GPC5: variants seen among roughly 807,000 people sequenced by gnomAD.
GPC5 encodes glypican-5.
GPC5 carries 47 observed loss-of-function variants against 53.9 expected under a neutral mutation model. That is an observed-to-expected ratio of 0.87 (90% CI 0.69 to 1.11). The LOEUF (loss-of-function observed/expected upper bound fraction) is 1.11. GPC5 is among the 50% of genes most tolerant of loss of function. GPC5 has a pLI of 0.00. For missense variants in GPC5, 748 were observed against 713.1 expected (o/e 1.05, Z -0.56); for synonymous variants, 286 against 263.3 (o/e 1.09, Z -0.84).
intron 7 of GPC5, among the ~76,000 whole-genome samples, chr13:92,849,225 G>T (rs1878711158): frequency 6.6e-6 from 1 of 151,966 alleles, no homozygotes. Flanking sequence ...GGATAATGTT[G>T]CTCTTCTTCT....
At chr13:92,042,843 G>C (rs1282587805) in intron 6 of GPC5, among the ~76,000 whole-genome samples, 1 of 152,110 alleles carries the variant, frequency 6.6e-6, no homozygotes, top group Non-Finnish European at 1.5e-5. Flanking sequence ...AGAACGAAAA[G>C]AGCCATAATT....
At chr13:91,956,527 T>G (rs1428359397) in intron 6 of GPC5, among the ~76,000 whole-genome samples, 1 of 152,048 alleles carries the variant, frequency 6.6e-6, no homozygotes, top group African/African-American at 2.4e-5. Context: ...AGAAATGGCC[T>G]GCCTGTGCCC....
At chr13:92,296,020 T>A (rs750133563) in intron 7 of GPC5, among the ~76,000 whole-genome samples, 2 of 152,058 alleles carry the variant, frequency 1.3e-5, no homozygotes, top group African/African-American at 4.8e-5. Context: ...TGTACCTTGG[T>A]TTTTTGTTTT....
At chr13:92,404,655 T>C (rs549755790) in intron 7 of GPC5, among the ~76,000 whole-genome samples, 2 of 151,020 alleles carry the variant, frequency 1.3e-5, no homozygotes, top group African/African-American at 2.4e-5. Flanking sequence ...TATTCCTAAT[T>C]TACAGAAGGA....
At position 91,566,931 on chromosome 13, in the gene GPC5, CTT is replaced by C. The variant is rs372108616; in HGVS notation, c.325+118023_325+118024del. On this transcript the variant is annotated intron_variant, in intron 2 of 7. Transcript: ENST00000377067. ...AAAATTAATTATTTTTCTTCCAATT[CTT>C]TTTTTTTTTTTTTGAGAAAGCAAAA... 2.5e-3 allele frequency among the ~76,000 whole-genome samples: 354 copies of C among 140,752 alleles called. 2 individuals carry two copies. The highest frequency in any genetic ancestry group is 8.5e-3 in the African/African-American group (326 of 38,572). 92.3% of individuals were successfully genotyped at this position (140,752 alleles called of 152,430 possible).
chr13:91,914,257 A>G (rs2039637588), intron 6 of GPC5, among the ~76,000 whole-genome samples: 1 of 152,196 alleles, frequency 6.6e-6, no homozygotes, highest in Non-Finnish European at 1.5e-5. Flanking sequence ...CCTACTTTCA[A>G]TATGAAACAG....
chr13:92,744,391 C>T (rs933883273), intron 7 of GPC5, among the ~76,000 whole-genome samples: 1 of 150,856 alleles, frequency 6.6e-6, no homozygotes, highest in Admixed American at 6.6e-5. Flanking sequence ...GGTATAAGAG[C>T]GATTTGGAAC....
chr13:92,791,449 T>A (rs75381326), intron 7 of GPC5, among the ~76,000 whole-genome samples: 1 of 150,912 alleles, frequency 6.6e-6, no homozygotes, highest in Non-Finnish European at 1.5e-5. Flanking sequence ...GAGTGGTGTA[T>A]GAAGTGTCCT....
chr13:92,699,526 G>T (rs533919248), intron 7 of GPC5, among the ~76,000 whole-genome samples: 154 of 151,836 alleles, frequency 1.0e-3, no homozygotes, highest in Middle Eastern at 3.4e-3. Context: ...TGTTAGGGTG[G>T]CGATTTTAGA....
chr13:91,451,044 C>T (rs1026344832), intron 2 of GPC5, among the ~76,000 whole-genome samples: 1 of 152,088 alleles, frequency 6.6e-6, no homozygotes, highest in African/African-American at 2.4e-5. Flanking sequence ...AAGTAAAATG[C>T]CCTCCATCTA....
At chr13:91,584,513 A>G (rs1432128125) in intron 2 of GPC5, among the ~76,000 whole-genome samples, 2 of 152,204 alleles carry the variant, frequency 1.3e-5, no homozygotes, top group East Asian at 1.9e-4. Context: ...GATAAGGAAT[A>G]CTTTTTTTAG....
At position 91,782,928 on chromosome 13, in the gene GPC5, T is replaced by C. The variant is rs1484805994; in HGVS notation, c.1280+26508T>C. Among the ~76,000 whole-genome samples, 4 of 152,164 alleles carry C rather than the reference T, an allele frequency of 2.6e-5. No individual in the cohort carries two copies. The East Asian group carries it at 7.7e-4, about 29-fold the overall frequency. On this transcript the variant is annotated intron_variant, in intron 5 of 7. Coordinates refer to ENST00000377067, the MANE Select transcript of GPC5 (RefSeq NM_004466.6). ...TCAGTAAAAGTTAATATGTCTTATG[T>C]TTTTCTCATTAAGAAAAATAAAAGT... is the stretch of plus-strand genomic sequence containing the variant.
intron 2 of GPC5, among the ~76,000 whole-genome samples, chr13:91,631,200 G>T (rs1410900092): frequency 6.6e-6 from 1 of 152,086 alleles, no homozygotes; most frequent in Non-Finnish European, 1.5e-5. Context: ...GTACCACTTT[G>T]GTTTTTGGTT....
intron 7 of GPC5, among the ~76,000 whole-genome samples, chr13:92,468,795 A>G (rs1878800192): frequency 6.6e-6 from 1 of 152,018 alleles, no homozygotes; most frequent in African/African-American, 2.4e-5. Flanking sequence ...CTAGCCAAGA[A>G]TTTCCCACAG....
At chr13:91,495,467 T>G (rs1194168191) in intron 2 of GPC5, among the ~76,000 whole-genome samples, 1 of 152,202 alleles carries the variant, frequency 6.6e-6, no homozygotes, top group Non-Finnish European at 1.5e-5. Flanking sequence ...TATACTCAAT[T>G]TGACATCTTC....
chr13:91,521,687 A>G (rs971734789), intron 2 of GPC5, among the ~76,000 whole-genome samples: 13 of 152,204 alleles, frequency 8.5e-5, no homozygotes, highest in South Asian at 2.1e-4. Flanking sequence ...GAGTTTTCCC[A>G]CCAACAAGAA....
chr13:91,809,135 A>G (rs2038270837), intron 5 of GPC5, among the ~76,000 whole-genome samples: 1 of 152,162 alleles, frequency 6.6e-6, no homozygotes, highest in Non-Finnish European at 1.5e-5. Flanking sequence ...AGCCCTCATC[A>G]ATTTCTGTAC....
intron 4 of GPC5, among the ~76,000 whole-genome samples, chr13:91,731,301 T>G (rs1335589830): frequency 6.6e-6 from 1 of 152,150 alleles, no homozygotes; most frequent in Non-Finnish European, 1.5e-5. Flanking sequence ...CAAGTCCATC[T>G]CAGTGTGCAC....
intron 3 of GPC5, among the ~76,000 whole-genome samples, chr13:91,705,880 T>G (rs2036091106): frequency 7.2e-6 from 1 of 139,462 alleles, no homozygotes. Context: ...TTTTCTTTCT[T>G]TTCTTTTTTT....
Sources: allele counts gnomAD v4.1 joint callset (sites outside exome capture counted in the v4.1 genomes callset), GRCh38; gene constraint gnomAD v4.1.1; transcripts MANE v1.5; gene names NCBI Gene and HGNC (gene_info 2026-07-23, HGNC 2026-07-21).